BBS4: variants seen among roughly 807,000 people sequenced by gnomAD.
BBS4 encodes BBSome complex member BBS4.
A neutral mutation model predicts 71.4 loss-of-function variants in BBS4; 58 were observed. The observed-to-expected ratio is 0.81, with a 90% CI of 0.66 to 1.01. The LOEUF (loss-of-function observed/expected upper bound fraction) is 1.01, where lower values mean the gene tolerates loss of function less well. Ranked by LOEUF, BBS4 falls within the 50% of genes least tolerant of loss-of-function variation. BBS4 has a pLI of 0.00. For missense variants in BBS4, 660 were observed against 607.9 expected, an observed-to-expected ratio of 1.09 and a Z score of -0.90; for synonymous variants, 228 against 216.8, an observed-to-expected ratio of 1.05 and a Z score of -0.46.
At chr15:72,696,917 A>G (rs2065087012) in intron 2 of BBS4, among the ~76,000 whole-genome samples, 1 of 150,922 alleles carries the variant, frequency 6.6e-6, no homozygotes, top group Admixed American at 6.6e-5. Flanking sequence ...TGGCTTTTAA[A>G]CCTCATATAA....
rs2151047861 is a variant in BBS4 at position 72,731,569 on chromosome 15, G to T, written c.879G>T (p.Leu293=). 1 of 1,614,204 alleles carries T rather than the reference G, an allele frequency of 6.2e-7. No homozygotes were observed. ...KKKYVAAISC[L]KRANYLAPFD... ...CTCTCTCATAGGCCATCAGCTGCCT[G>T]AAACGAGCCAACTACTTGGCACCCT... is the stretch of plus-strand genomic sequence containing the variant. The change falls in exon 12 of 16, where the codon CTG becomes CTT. Residue 293 remains leucine, a synonymous_variant. Transcript: ENST00000268057.
chr15:72,735,628 T>TA (rs1490097438), intron 13 of BBS4, 197 bp from the exon 14 acceptor site: 1 of 718,284 alleles, frequency 1.4e-6, no homozygotes, highest in Non-Finnish European at 2.4e-6. Flanking sequence ...TTGGTCCCAA[T>TA]ACCAGCTTTG....
chr15:72,700,548 A>T (rs760101553), intron 2 of BBS4, among the ~76,000 whole-genome samples: 8 of 152,152 alleles, frequency 5.3e-5, no homozygotes, highest in Non-Finnish European at 1.2e-4. Context: ...AGTGATGTTG[A>T]ACACCTTTTC....
chr15:72,691,605 G>T (rs2064984615), intron 1 of BBS4, among the ~76,000 whole-genome samples: 1 of 152,006 alleles, frequency 6.6e-6, no homozygotes. Flanking sequence ...TTGTAGTAAA[G>T]TATGTCAATT....
At chr15:72,713,351 G>A (rs62015948) in intron 4 of BBS4, among the ~76,000 whole-genome samples, 499 of 27,170 alleles carry the variant, frequency 0.018, 2 homozygotes, top group South Asian at 0.05. Flanking sequence ...ACACACACAC[G>A]CACACGCACG....
At chr15:72,730,722 G>A (rs902237800) in intron 10 of BBS4, among the ~76,000 whole-genome samples, 7 of 152,204 alleles carry the variant, frequency 4.6e-5, no homozygotes, top group Admixed American at 4.6e-4. Context: ...AGGAGATGCA[G>A]CAAGACAAGC....
Position 72,712,271 on chromosome 15 carries a change from A to T in BBS4, c.184A>T (p.Thr62Ser). The change falls in exon 4 of 16, where the codon ACT becomes TCT. Residue 62 changes from threonine (T) to serine (S), a missense_variant. Physicochemically the swap from Thr to Ser is moderately conservative, Grantham distance 58. Coordinates refer to ENST00000268057, the MANE Select transcript of BBS4 (RefSeq NM_033028.5). The part of the protein sequence containing the change: ...KAVIKEQLQE[T>S]QGLCEYAIYV... ...TGTTATCAAAGAACAGCTTCAAGAG[A>T]CTCAGGGATTGTGTGAATATGCTAT... is the stretch of plus-strand genomic sequence containing the variant. The T allele has an allele frequency of 6.2e-7, 1 of 1,614,094 alleles. No individual in the cohort carries two copies. Among genetic ancestry groups the T allele is most frequent in the Non-Finnish European group, 8.5e-7 (1 of 1,179,980 alleles).
At chr15:72,686,701 A>G in intron 1 of BBS4, 1 of 656,734 alleles carries the variant, frequency 1.5e-6, no homozygotes, top group Non-Finnish European at 2.3e-6. Flanking sequence ...TAAGTTTAGG[A>G]AAGTACGGTT....
At chr15:72,705,202 CAG>C (rs1254319759) in intron 2 of BBS4, among the ~76,000 whole-genome samples, 5 of 152,122 alleles carry the variant, frequency 3.3e-5, no homozygotes, top group Non-Finnish European at 7.4e-5. Flanking sequence ...TCCATGAAAT[CAG>C]GGAGTCAGTT....
intron 7 of BBS4, among the ~76,000 whole-genome samples, chr15:72,724,226 G>A (rs2065626567): frequency 6.6e-6 from 1 of 152,172 alleles, no homozygotes; most frequent in Non-Finnish European, 1.5e-5. Flanking sequence ...TACTATGATG[G>A]CCCTTTTGAC....
chr15:72,720,092 C>T lies in BBS4; in HGVS notation c.406-2702C>T, dbSNP rs72737318. On this transcript the variant is annotated intron_variant, in intron 6 of 15. Transcript: ENST00000268057. ...TTCTTTAAAATTTTCCCCTTCATGG[C>T]ATTTTTATTTTCTTTTTAGAATATT... Among the ~76,000 whole-genome samples the T allele has an allele frequency of 8.2e-3, 1,239 of 151,410 alleles. 8 individuals are homozygous for T. The highest frequency in any genetic ancestry group is 0.012 in the Non-Finnish European group (813 of 67,840).
At chr15:72,697,719 A>C (rs1315639231) in intron 2 of BBS4, among the ~76,000 whole-genome samples, 2 of 152,106 alleles carry the variant, frequency 1.3e-5, no homozygotes, top group African/African-American at 4.8e-5. Context: ...TTTGACTGAG[A>C]ATGGATGTTG....
chr15:72,695,219 C>T lies in BBS4; in HGVS notation c.67C>T (p.Gln23Ter). Residue 23 changes from glutamine (Q) to a stop codon, truncating the protein, a stop_gained, in exon 2 of 16, where the codon CAG becomes TAG. Transcript: ENST00000268057. LOFTEE classifies it high-confidence loss of function. ...PVSTESQKPRQKKAPEFPILE... is the reference protein window; with the variant it reads ...PVSTESQKPR ...ATCTACTGAGTCTCAAAAACCCCGG[C>T]AGAAAAAAGGTCTGTATGCAGTTTC... The T allele has an allele frequency of 1.3e-6, 2 of 1,599,448 alleles. No individual in the cohort carries two copies. The highest frequency in any genetic ancestry group is 1.7e-6 in the Non-Finnish European group (2 of 1,167,424).
At chr15:72,733,736 A>T (rs2065870923) in intron 12 of BBS4, among the ~76,000 whole-genome samples, 1 of 152,164 alleles carries the variant, frequency 6.6e-6, no homozygotes, top group Non-Finnish European at 1.5e-5. Flanking sequence ...TTGAACACAC[A>T]CATGCATGTG....
At chr15:72,728,872 G>A (rs143980550) in intron 9 of BBS4, among the ~76,000 whole-genome samples, 142 of 152,248 alleles carry the variant, frequency 9.3e-4, no homozygotes, top group African/African-American at 3.3e-3. Context: ...CTCCAGCCCT[G>A]CCTCTGTGGT....
chr15:72,702,965 GC>G (rs1412791451), intron 2 of BBS4, among the ~76,000 whole-genome samples: 10 of 144,210 alleles, frequency 6.9e-5, no homozygotes, highest in African/African-American at 2.0e-4. Flanking sequence ...CCGCCACTAC[GC>G]CCGGCTAATT....
intron 6 of BBS4, among the ~76,000 whole-genome samples, chr15:72,718,473 A>C (rs1323828643): frequency 1.3e-5 from 2 of 152,216 alleles, no homozygotes; most frequent in Non-Finnish European, 2.9e-5. Flanking sequence ...AACTAGATTT[A>C]TTAGTACAGA....
chr15:72,720,549 C>A (rs2065552854), intron 6 of BBS4, among the ~76,000 whole-genome samples: 1 of 151,450 alleles, frequency 6.6e-6, no homozygotes, highest in South Asian at 2.1e-4. Context: ...TCAGGGTATT[C>A]CACAGTCTTG....
In BBS4 at chr15:72,737,509, C is replaced by A. The variant is rs2151058298; in HGVS notation, c.1482C>A (p.Pro494=). 6.2e-7 allele frequency: 1 copy of A among 1,613,054 alleles called. No individual in the cohort carries two copies. The highest frequency in any genetic ancestry group is 8.5e-7 in the Non-Finnish European group (1 of 1,179,626). The change falls in exon 16 of 16, where the codon CCC becomes CCA. Residue 494 remains proline (P), a synonymous_variant. Coordinates refer to ENST00000268057, the MANE Select transcript of BBS4 (RefSeq NM_033028.5). Reference sequence around the variant, plus strand: ...GAGGAACATCCCAGTTCACAAAGCCCCCATCTCTTCCTCTGGAGCCAGAGC... The same window carrying A: ...GAGGAACATCCCAGTTCACAAAGCCACCATCTCTTCCTCTGGAGCCAGAGC... The part of the protein sequence containing the change: ...GAGGTSQFTK[P]PSLPLEPEPA...
Sources: gnomAD v4.1 joint callset for allele counts (sites outside exome capture counted in the v4.1 genomes callset) on GRCh38, gnomAD v4.1.1 for gene constraint, MANE v1.5 for transcripts, NCBI Gene and HGNC (gene_info 2026-07-23, HGNC 2026-07-21) for gene names.